Variants in TRIT1 observed in about 807,000 individuals in gnomAD.
The protein encoded by TRIT1 is tRNA dimethylallyltransferase.
In TRIT1, 43 loss-of-function variants were observed where a neutral mutation model predicts 51.2. The observed-to-expected ratio is 0.84, with a 90% confidence interval of 0.66 to 1.08. TRIT1 has a LOEUF of 1.08. Among genes scored for constraint, TRIT1 ranks in the 50% least tolerant of loss-of-function variants. The pLI is 0.00. For synonymous variants in TRIT1, 184 were observed against 203.9 expected, an observed-to-expected ratio of 0.90 and a Z score of 0.83; for missense variants, 528 against 578.4, an observed-to-expected ratio of 0.91 and a Z score of 0.89.
At chr1:39,880,522 C>T (rs1456516639) in intron 1 of TRIT1, among the ~76,000 whole-genome samples, 1 of 152,082 alleles carries the variant, frequency 6.6e-6, no homozygotes. Context: ...CAAGTTGGGC[C>T]AGGCGCAGTG....
rs145293754 is a variant in TRIT1, at chr1:39,879,649, G to A, written c.174+3669C>T. 8.9e-3 allele frequency among the ~76,000 whole-genome samples: 1,351 copies of A among 151,908 alleles called. 8 individuals carry two copies. Among genetic ancestry groups the A allele is most frequent in the South Asian group, 0.015 (70 of 4,794 alleles). Reference sequence around the variant, plus strand: ...AGCATTTTGGGAGGCCAAGGCAGGCGGATCACCTGAGGTCAGGAATTCCAG... The same window carrying A: ...AGCATTTTGGGAGGCCAAGGCAGGCAGATCACCTGAGGTCAGGAATTCCAG... On this transcript the variant is annotated intron_variant, in intron 1 of 10. Transcript: ENST00000316891.
At chr1:39,864,597 C>CA (rs58041605) in intron 1 of TRIT1, among the ~76,000 whole-genome samples, 9,403 of 97,048 alleles carry the variant, frequency 0.097, 457 homozygotes, top group South Asian at 0.13. Context: ...GACTCTGTCT[C>CA]AAAAAAAAAA....
chr1:39,854,573 G>T (rs1642783387), intron 2 of TRIT1, among the ~76,000 whole-genome samples: 1 of 152,116 alleles, frequency 6.6e-6, no homozygotes, highest in South Asian at 2.1e-4. Context: ...AGATGCACAG[G>T]TTCTGAAGAT....
intron 2 of TRIT1, among the ~76,000 whole-genome samples, chr1:39,855,448 A>C (rs1419411970): frequency 6.6e-6 from 1 of 152,206 alleles, no homozygotes; most frequent in East Asian, 1.9e-4. Context: ...ACACAAGTTA[A>C]ATATCCCTTA....
At chr1:39,882,475 G>T (rs1211105145) in intron 1 of TRIT1, among the ~76,000 whole-genome samples, 1 of 152,206 alleles carries the variant, frequency 6.6e-6, no homozygotes, top group Non-Finnish European at 1.5e-5. Flanking sequence ...CTCCATCAGA[G>T]ATTTACCCAA....
rs1392288212 is a variant in TRIT1, at chr1:39,883,383, A to C, written c.109T>G (p.Ser37Ala). The change falls in exon 1 of 11, where the codon TCC (serine) becomes GCC (alanine). Residue 37 changes from serine to alanine, a missense_variant. Transcript: ENST00000316891. The stretch of plus-strand genomic sequence containing the variant: ...TGGCCTAGCTGCAACGCCAGCGTGG[A>C]TTTGCCGGTGCCCGTGGCCCCGAGA... Reference protein sequence around the residue: ...VILGATGTGKSTLALQLGQRL... With the variant: ...VILGATGTGKATLALQLGQRL... The C allele has an allele frequency of 6.2e-7, 1 of 1,613,320 alleles. No homozygotes were observed. The highest frequency in any genetic ancestry group is 8.5e-7 in the Non-Finnish European group (1 of 1,179,884).
intron 5 of TRIT1, 133 bp downstream of exon 5, chr1:39,849,986 A>G (rs1642466465): frequency 1.1e-6 from 1 of 910,254 alleles, no homozygotes. Context: ...AATGATAATG[A>G]TAATAAAATT....
chr1:39,842,007 C>A (rs1037317652), intron 10 of TRIT1, 94 bp from the exon 11 acceptor site: 1 of 1,346,084 alleles, frequency 7.4e-7, no homozygotes, highest in Admixed American at 2.6e-5. Flanking sequence ...CTATACAATG[C>A]TTTTCTTCAA....
In TRIT1 at chr1:39,840,597, G is replaced by A. The variant is rs1490962825; in HGVS notation, c.*1147C>T. On this transcript the variant is annotated 3_prime_UTR_variant, in exon 11 of 11. Transcript: ENST00000316891. ...CTGCATTCCCTTTAGCCTAATTCAG[G>A]GCCTCTCATAGAGTAGATTCTGCAC... 3.9e-5 allele frequency among the ~76,000 whole-genome samples: 6 copies of A among 152,078 alleles called. No homozygotes were observed. The East Asian group carries it at 9.6e-4, about 24-fold the overall frequency.
chr1:39,881,186 A>ACTGCACTC (rs1428384258), intron 1 of TRIT1, among the ~76,000 whole-genome samples: 1 of 150,528 alleles, frequency 6.6e-6, no homozygotes, highest in South Asian at 2.1e-4. Flanking sequence ...AGATCGCGCC[A>ACTGCACTC]CTGCACTCCA....
chr1:39,854,394 A>C (rs1351596225), intron 2 of TRIT1, among the ~76,000 whole-genome samples: 1 of 152,230 alleles, frequency 6.6e-6, no homozygotes, highest in Non-Finnish European at 1.5e-5. Context: ...ACTCTCACAG[A>C]ACCAAGTGTC....
At chr1:39,853,005 A>C in intron 3 of TRIT1, 129 bp from the exon 4 acceptor site, 1 of 1,076,488 alleles carries the variant, frequency 9.3e-7, no homozygotes, top group Non-Finnish European at 1.3e-6. Context: ...AGAGATCATA[A>C]ACAGAAAATT....
chr1:39,866,455 C>T lies in TRIT1; in HGVS notation c.175-9038G>A, dbSNP rs56070909. On this transcript the variant is annotated intron_variant, in intron 1 of 10. Coordinates refer to ENST00000316891, the MANE Select transcript of TRIT1 (RefSeq NM_017646.6). The stretch of plus-strand genomic sequence containing the variant: ...GACACTCACTGGGAAGTTGATTTTC[C>T]TTTAGACAAATTCAACTGAAGAGAT... Among the ~76,000 whole-genome samples the T allele has an allele frequency of 8.7e-3, 1,331 of 152,258 alleles. 31 individuals are homozygous for T. Among genetic ancestry groups the T allele is most frequent in the African/African-American group, 0.03 (1,255 of 41,558 alleles).
chr1:39,849,736 T>C (rs1280391367), intron 5 of TRIT1, among the ~76,000 whole-genome samples: 1 of 152,208 alleles, frequency 6.6e-6, no homozygotes, highest in African/African-American at 2.4e-5. Context: ...CAAAATACCA[T>C]CAGGCTAGCA....
intron 9 of TRIT1, 35 bp from the exon 10 acceptor site, chr1:39,844,253 C>T (rs763086136): frequency 6.7e-7 from 1 of 1,496,388 alleles, no homozygotes; most frequent in Non-Finnish European, 9.3e-7. Flanking sequence ...GTATTCAATT[C>T]AAAGAGATCT....
In TRIT1 at chr1:39,868,830, C is replaced by T. The variant is rs538574254; in HGVS notation, c.175-11413G>A. 4.5e-4 allele frequency among the ~76,000 whole-genome samples: 68 copies of T among 152,170 alleles called. 1 individual carries two copies. In the South Asian group the frequency reaches 0.012, roughly 27 times the overall value. On this transcript the variant is annotated intron_variant, in intron 1 of 10. Coordinates refer to ENST00000316891, the MANE Select transcript of TRIT1 (RefSeq NM_017646.6). ...ATCCCAGCACTTTGGGAGGCCGAGGCGGGTGGATCACCTGAGGTCAGGAGT... is the reference window on the plus strand; with the variant it reads ...ATCCCAGCACTTTGGGAGGCCGAGGTGGGTGGATCACCTGAGGTCAGGAGT...
intron 2 of TRIT1, among the ~76,000 whole-genome samples, chr1:39,854,775 T>C (rs1043695397): frequency 2.0e-5 from 3 of 152,226 alleles, no homozygotes; most frequent in Non-Finnish European, 4.4e-5. Flanking sequence ...TCTGCTACTT[T>C]AAATTTTTCT....
chr1:39,845,172 C>A (rs562711091), intron 8 of TRIT1, among the ~76,000 whole-genome samples: 2 of 152,290 alleles, frequency 1.3e-5, no homozygotes, highest in South Asian at 2.1e-4. Flanking sequence ...GCAGAATCTG[C>A]GAACCAGAAA....
At chr1:39,870,513 T>TAA (rs60334518) in intron 1 of TRIT1, among the ~76,000 whole-genome samples, 2,702 of 78,138 alleles carry the variant, frequency 0.035, 66 homozygotes, top group African/African-American at 0.11. Context: ...CAATAAATAC[T>TAA]AAAAAAAAAA....
Sources: gnomAD v4.1 joint callset for allele counts (sites outside exome capture counted in the v4.1 genomes callset) on GRCh38, gnomAD v4.1.1 for gene constraint, MANE v1.5 for transcripts, NCBI Gene and HGNC (gene_info 2026-07-23, HGNC 2026-07-21) for gene names.